GPT2: variants seen among roughly 807,000 people sequenced by gnomAD.
GPT2 encodes the protein glutamic--pyruvic transaminase 2.
A neutral mutation model predicts 56.9 loss-of-function variants in GPT2; 30 were observed. That is an observed-to-expected ratio of 0.53 (90% confidence interval 0.39 to 0.72). GPT2 has a LOEUF of 0.72. Among genes scored for constraint, GPT2 ranks in the 30% least tolerant of loss-of-function variants. The pLI is 0.00. For missense variants in GPT2, 542 were observed against 703.4 expected (o/e 0.77, Z 2.60); for synonymous variants, 271 against 283.1 (o/e 0.96, Z 0.43).
At chr16:46,885,179 T>A (rs1272209967) in intron 2 of GPT2, 1 of 1,280,878 alleles carries the variant, frequency 7.8e-7, no homozygotes, top group African/African-American at 1.5e-5. Flanking sequence ...ACTTGTTGAA[T>A]TGAATTCGTC....
rs551688670 is a variant in GPT2, at chr16:46,928,616, C to CA, written c.1482-275dup. ...GGGCAACAAGAGCAAAATTCCATCT[C>CA]AAAAAAAAAAAAAAAAGTGATGCAG... On this transcript the variant is annotated intron_variant, in intron 11 of 11. Transcript: ENST00000340124. 9.7e-3 allele frequency among the ~76,000 whole-genome samples: 984 copies of CA among 101,128 alleles called. 5 individuals carry two copies. The highest frequency in any genetic ancestry group is 0.026 in the African/African-American group (698 of 27,292). The allele number at this position is 101,128 out of a possible 152,430, so 66.3% of individuals were successfully genotyped here. A position where few individuals can be genotyped will look rare whatever the true frequency, so the allele number is the denominator to read the frequency against.
At chr16:46,916,604 T>C (rs759327650) in intron 6 of GPT2, 24 bp from the exon 7 acceptor site, 2 of 1,577,358 alleles carry the variant, frequency 1.3e-6, no homozygotes, top group Non-Finnish European at 1.7e-6. Flanking sequence ...AACCGACATT[T>C]TGGTTTTCTT....
In GPT2 at chr16:46,904,049, G is replaced by A. The variant is rs149620239; in HGVS notation, c.443-2793G>A. 5.5e-4 allele frequency among the ~76,000 whole-genome samples: 84 copies of A among 152,318 alleles called. 1 individual carries two copies. In the East Asian group the frequency reaches 0.014, roughly 25 times the overall value. ...GGCCCTAAAGTTGGGACCTCCATGT[G>A]ACTGAATGAAGGGGCCCTAGGGCAG... On this transcript the variant is annotated intron_variant, in intron 4 of 11. Transcript: ENST00000340124.
chr16:46,911,278 A>T (rs560858950), intron 6 of GPT2, among the ~76,000 whole-genome samples: 65 of 152,250 alleles, frequency 4.3e-4, no homozygotes, highest in African/African-American at 1.6e-3. Flanking sequence ...CCCCAGTGCT[A>T]TTTGGACACA....
chr16:46,910,397 A>AC (rs1295676801), intron 6 of GPT2, among the ~76,000 whole-genome samples: 41 of 149,964 alleles, frequency 2.7e-4, no homozygotes, highest in Non-Finnish European at 5.3e-4. Flanking sequence ...AAAAAAAAAA[A>AC]AAAAAAAAAA....
rs540210054 is a variant in GPT2, at chr16:46,928,467, AC to A, written c.1482-439del. Among the ~76,000 whole-genome samples, 15 of 152,112 alleles carry A rather than the reference AC, an allele frequency of 9.9e-5. No individual in the cohort carries two copies. The East Asian group carries it at 2.7e-3, about 28-fold the overall frequency. On this transcript the variant is annotated intron_variant, in intron 11 of 11. Transcript: ENST00000340124. ...GTGAAACCCCGTCTCTTCTAAAAAT[AC>A]AAAAATTAGCTGGGCGTGGTGGCAG...
chr16:46,901,043 T>A (rs1960807722), intron 4 of GPT2, among the ~76,000 whole-genome samples: 1 of 152,218 alleles, frequency 6.6e-6, no homozygotes, highest in South Asian at 2.1e-4. Flanking sequence ...GTGCTCCTCC[T>A]GGGAGCCAGC....
intron 7 of GPT2, among the ~76,000 whole-genome samples, chr16:46,918,419 A>G (rs772107372): frequency 6.6e-6 from 1 of 152,196 alleles, no homozygotes; most frequent in Non-Finnish European, 1.5e-5. Context: ...GAGCTGTCTC[A>G]GCATCCAGCC....
intron 6 of GPT2, among the ~76,000 whole-genome samples, chr16:46,912,758 C>T (rs941763936): frequency 6.6e-6 from 1 of 152,296 alleles, no homozygotes; most frequent in South Asian, 2.1e-4. Flanking sequence ...CAGGGCGGGG[C>T]AGGGGATGCC....
chr16:46,887,535 G>A (rs1374432561), intron 2 of GPT2, among the ~76,000 whole-genome samples: 1 of 152,186 alleles, frequency 6.6e-6, no homozygotes, highest in Non-Finnish European at 1.5e-5. Flanking sequence ...GGGTGACTTG[G>A]GGTGAATCCT....
At chr16:46,889,466 G>C (rs1960547140) in intron 2 of GPT2, among the ~76,000 whole-genome samples, 1 of 151,894 alleles carries the variant, frequency 6.6e-6, no homozygotes, top group South Asian at 2.1e-4. Flanking sequence ...TGTTGTCCAG[G>C]CTGGTCTCAG....
chr16:46,902,291 A>T (rs1451799930), intron 4 of GPT2, among the ~76,000 whole-genome samples: 1 of 152,178 alleles, frequency 6.6e-6, no homozygotes, highest in African/African-American at 2.4e-5. Context: ...GGACCTCATA[A>T]ACAGGTGAGG....
At chr16:46,910,313 A>G (rs1184090925) in intron 6 of GPT2, among the ~76,000 whole-genome samples, 1 of 135,882 alleles carries the variant, frequency 7.4e-6, no homozygotes, top group African/African-American at 2.7e-5. Flanking sequence ...CTCCAGAGGC[A>G]GAGGTTGCAG....
intron 6 of GPT2, 158 bp from the exon 7 acceptor site, chr16:46,916,470 T>C: frequency 1.5e-6 from 1 of 672,424 alleles, no homozygotes. Flanking sequence ...GACTACACCA[T>C]CATGCATGGC....
intron 8 of GPT2, among the ~76,000 whole-genome samples, chr16:46,921,249 A>G (rs1273476751): frequency 2.6e-5 from 4 of 151,906 alleles, no homozygotes; most frequent in African/African-American, 9.7e-5. Context: ...GTTCACTGCA[A>G]CCTCTGCCTC....
Position 46,929,025 on chromosome 16 carries a change from G to C in GPT2, c.*28G>C. ...ACGCCTGAGCCCCAGCGGGAGACCT[G>C]TCCTTGGCTCTTCCTCCCAATGCCC... On this transcript the variant is annotated 3_prime_UTR_variant, in exon 12 of 12. Coordinates refer to ENST00000340124, the MANE Select transcript of GPT2 (RefSeq NM_133443.4). 1 of 1,572,442 alleles carries C rather than the reference G, an allele frequency of 6.4e-7. No individual in the cohort carries two copies. Among genetic ancestry groups the C allele is most frequent in the Non-Finnish European group, 8.8e-7 (1 of 1,142,244 alleles).
chr16:46,897,749 C>T lies in GPT2; in HGVS notation c.333+12C>T, dbSNP rs1405515554. 6.2e-6 allele frequency: 10 copies of T among 1,613,432 alleles called. No homozygotes were observed. Among genetic ancestry groups the T allele is most frequent in the South Asian group, 1.1e-5 (1 of 91,060 alleles). On this transcript the variant is annotated intron_variant, in intron 3 of 11. Coordinates refer to ENST00000340124, the MANE Select transcript of GPT2 (RefSeq NM_133443.4). Reference sequence around the variant, plus strand: ...CCTTCCTCCGGCAGGTGAGCCGCCCCCAGGAGCAGAGGCTGCAGGAGGGCA... The same window carrying T: ...CCTTCCTCCGGCAGGTGAGCCGCCCTCAGGAGCAGAGGCTGCAGGAGGGCA...
At position 46,884,722 on chromosome 16, in the gene GPT2, C is replaced by G; in HGVS notation, c.7C>G (p.Arg3Gly). 3 of 1,379,548 alleles carry G rather than the reference C, an allele frequency of 2.2e-6. No homozygotes were observed. Among genetic ancestry groups the G allele is most frequent in the Non-Finnish European group, 2.8e-6 (3 of 1,065,054 alleles). 85.5% of individuals were successfully genotyped at this position (1,379,548 alleles called of 1,614,324 possible). A position where few individuals can be genotyped will look rare whatever the true frequency, so the allele number is the denominator to read the frequency against. Residue 3 changes from arginine to glycine, a missense_variant, in exon 2 of 12, where the codon CGG becomes GGG. Coordinates refer to ENST00000340124, the MANE Select transcript of GPT2 (RefSeq NM_133443.4). ...TTCTCTCCGCAAGCGCGCGATGCAGCGGGCGGCGGCGCTGGTCCGGCGGGG... is the reference window on the plus strand; with the variant it reads ...TTCTCTCCGCAAGCGCGCGATGCAGGGGGCGGCGGCGCTGGTCCGGCGGGG... MQ[R>G]AAALVRRGCG...
chr16:46,884,838 C>T lies in GPT2; in HGVS notation c.123C>T (p.Arg41=). ...ASAVLKVRPE[R]SRRERILTLE... is the part of the protein sequence containing the mutation. ...CGGTGCTCAAGGTGCGGCCCGAGCG[C>T]AGCCGGCGCGAGCGCATCCTCACGC... The change falls in exon 2 of 12, where the codon CGC becomes CGT. Residue 41 remains arginine (R), a synonymous_variant. Transcript: ENST00000340124. The T allele has an allele frequency of 6.5e-7, 1 of 1,541,720 alleles. No homozygotes were observed. Among genetic ancestry groups the T allele is most frequent in the Admixed American group, 2.0e-5 (1 of 50,500 alleles).
Sources: gnomAD v4.1 joint callset for allele counts (sites outside exome capture counted in the v4.1 genomes callset) on GRCh38, gnomAD v4.1.1 for gene constraint, MANE v1.5 for transcripts, NCBI Gene and HGNC (gene_info 2026-07-23, HGNC 2026-07-21) for gene names.